Variants in SMIM31 observed in about 807,000 individuals in gnomAD.
SMIM31 encodes small integral membrane protein 31.
At chr4:164,759,829 A>G (rs192631494) in intron 1 of SMIM31, among the ~76,000 whole-genome samples, 1 of 152,356 alleles carries the variant, frequency 6.6e-6, no homozygotes, top group Non-Finnish European at 1.5e-5. Context: ...TAAACAATAA[A>G]TACAATAAAT....
chr4:164,779,172 A>G (rs567563454), intron 2 of SMIM31, among the ~76,000 whole-genome samples: 1 of 152,290 alleles, frequency 6.6e-6, no homozygotes, highest in South Asian at 2.1e-4. Flanking sequence ...AGTCTTAGAG[A>G]ATGTCATGAA....
At chr4:164,791,289 TG>T (rs1338619502) in intron 2 of SMIM31, among the ~76,000 whole-genome samples, 1 of 152,212 alleles carries the variant, frequency 6.6e-6, no homozygotes, top group Non-Finnish European at 1.5e-5. Context: ...AAAGAAGACA[TG>T]ATGTATCACT....
At chr4:164,758,899 A>C (rs1245462083) in intron 1 of SMIM31, among the ~76,000 whole-genome samples, 1 of 132,824 alleles carries the variant, frequency 7.5e-6, no homozygotes, top group Admixed American at 8.7e-5. Context: ...CGATCTCCTG[A>C]CCTCGTGATC....
intron 2 of SMIM31, among the ~76,000 whole-genome samples, chr4:164,789,433 A>G (rs186347996): frequency 6.6e-6 from 1 of 152,352 alleles, no homozygotes; most frequent in Admixed American, 6.5e-5. Context: ...GTACTTACAT[A>G]AAAGTCATCT....
At chr4:164,798,458 G>A (rs370778142) in intron 2 of SMIM31, among the ~76,000 whole-genome samples, 9 of 151,752 alleles carry the variant, frequency 5.9e-5, no homozygotes, top group South Asian at 4.2e-4. Context: ...AACCAGGATG[G>A]TCTTGATCTC....
At chr4:164,791,208 G>A (rs1334046822) in intron 2 of SMIM31, among the ~76,000 whole-genome samples, 1 of 152,010 alleles carries the variant, frequency 6.6e-6, no homozygotes, top group East Asian at 1.9e-4. Flanking sequence ...ACATTGAGTA[G>A]ATTAATGTTT....
chr4:164,755,534 A>AAG (rs1732547860), intron 1 of SMIM31, among the ~76,000 whole-genome samples: 1 of 25,802 alleles, frequency 3.9e-5, no homozygotes, highest in African/African-American at 2.0e-4. Flanking sequence ...AGGGAGGGAG[A>AAG]GGAGAGGAGG....
chr4:164,799,557 C>G (rs1389230706), intron 2 of SMIM31, among the ~76,000 whole-genome samples: 1 of 152,126 alleles, frequency 6.6e-6, no homozygotes, highest in Non-Finnish European at 1.5e-5. Flanking sequence ...TTCCTCCTTC[C>G]TTAACCTTTT....
At chr4:164,779,672 A>G (rs1382151108) in intron 2 of SMIM31, among the ~76,000 whole-genome samples, 3 of 152,190 alleles carry the variant, frequency 2.0e-5, no homozygotes, top group Admixed American at 2.0e-4. Flanking sequence ...ACTGAAAGCC[A>G]CAAACTTGCA....
At chr4:164,765,939 C>T (rs1477137588) in intron 1 of SMIM31, among the ~76,000 whole-genome samples, 1 of 152,148 alleles carries the variant, frequency 6.6e-6, no homozygotes, top group East Asian at 1.9e-4. Context: ...GATGCATGCA[C>T]ACAGCATCTA....
At chr4:164,783,117 C>G (rs1300629619) in intron 2 of SMIM31, among the ~76,000 whole-genome samples, 2 of 151,006 alleles carry the variant, frequency 1.3e-5, no homozygotes, top group African/African-American at 4.9e-5. Context: ...ACTCCGGAAC[C>G]TGAGGCAGGA....
chr4:164,778,188 G>A (rs1337632633), intron 2 of SMIM31, among the ~76,000 whole-genome samples: 1 of 152,144 alleles, frequency 6.6e-6, no homozygotes, highest in East Asian at 1.9e-4. Context: ...AGAAGTTTGA[G>A]ATCAGCCTGG....
intron 2 of SMIM31, among the ~76,000 whole-genome samples, chr4:164,783,809 T>C (rs1328437418): frequency 3.3e-5 from 5 of 152,062 alleles, no homozygotes; most frequent in Non-Finnish European, 7.4e-5. Flanking sequence ...ATATGTGATA[T>C]ATCTTGCTAA....
intron 2 of SMIM31, among the ~76,000 whole-genome samples, chr4:164,783,099 T>A (rs1005007114): frequency 2.7e-5 from 4 of 147,826 alleles, no homozygotes; most frequent in African/African-American, 7.6e-5. Flanking sequence ...ACGCTTGTAG[T>A]CCCAGCTACT....
At chr4:164,798,704 T>G (rs982953520) in intron 2 of SMIM31, among the ~76,000 whole-genome samples, 1 of 151,820 alleles carries the variant, frequency 6.6e-6, no homozygotes, top group Non-Finnish European at 1.5e-5. Flanking sequence ...GAGTCAGTGA[T>G]GTAAACTGCA....
intron 1 of SMIM31, among the ~76,000 whole-genome samples, chr4:164,761,292 T>G (rs960941874): frequency 6.6e-6 from 1 of 152,288 alleles, no homozygotes; most frequent in Non-Finnish European, 1.5e-5. Context: ...AGGAAACAAA[T>G]AGAACAATTT....
chr4:164,776,872 T>C (rs1264559997), intron 2 of SMIM31, among the ~76,000 whole-genome samples: 4 of 152,220 alleles, frequency 2.6e-5, no homozygotes. Context: ...TACCTAATAA[T>C]AGTTCATGTT....
chr4:164,780,786 A>C (rs1732939744), intron 2 of SMIM31, among the ~76,000 whole-genome samples: 1 of 152,204 alleles, frequency 6.6e-6, no homozygotes, highest in Admixed American at 6.5e-5. Flanking sequence ...GAATGACTAA[A>C]ATTTAAATAT....
intron 2 of SMIM31, among the ~76,000 whole-genome samples, chr4:164,786,933 T>C (rs895195334): frequency 6.6e-6 from 1 of 152,170 alleles, no homozygotes; most frequent in Middle Eastern, 3.2e-3. Flanking sequence ...ATAGGAATCA[T>C]AGCTCAAACT....
Sources: gnomAD v4.1 joint callset for allele counts (sites outside exome capture counted in the v4.1 genomes callset) on GRCh38, gnomAD v4.1.1 for gene constraint, MANE v1.5 for transcripts, NCBI Gene and HGNC (gene_info 2026-07-23, HGNC 2026-07-21) for gene names.